PTBP2: variants seen among roughly 807,000 people sequenced by gnomAD.
PTBP2 encodes the protein polypyrimidine tract-binding protein 2.
A neutral mutation model predicts 61.4 loss-of-function variants in PTBP2; 13 were observed. That is an observed-to-expected ratio of 0.21 (90% CI 0.14 to 0.34). The LOEUF is 0.34. Among genes scored for constraint, PTBP2 ranks in the 10% least tolerant of loss-of-function variants. The pLI is 1.00. For missense variants in PTBP2, 405 were observed against 642.6 expected (o/e 0.63, Z 4.00); for synonymous variants, 215 against 218.5 (o/e 0.98, Z 0.14).
At chr1:96,758,465 A>G (rs1201687215) in intron 3 of PTBP2, among the ~76,000 whole-genome samples, 1 of 152,088 alleles carries the variant, frequency 6.6e-6, no homozygotes, top group Non-Finnish European at 1.5e-5. Flanking sequence ...TCAGACTAGT[A>G]TTTCTCATTA....
intron 8 of PTBP2, among the ~76,000 whole-genome samples, chr1:96,789,077 T>A (rs926277009): frequency 5.3e-5 from 8 of 152,052 alleles, no homozygotes; most frequent in African/African-American, 1.9e-4. Context: ...TGTAGTTAAT[T>A]TATTAAGGGG....
chr1:96,792,739 C>T (rs936870524), intron 8 of PTBP2, among the ~76,000 whole-genome samples: 2 of 151,890 alleles, frequency 1.3e-5, no homozygotes, highest in Non-Finnish European at 2.9e-5. Flanking sequence ...ATGTAACATG[C>T]AAATAATAAA....
intron 5 of PTBP2, 84 bp downstream of exon 5, chr1:96,770,935 T>G (rs2101014163): frequency 8.5e-7 from 1 of 1,173,942 alleles, no homozygotes; most frequent in East Asian, 2.4e-5. Flanking sequence ...AATGTTTACC[T>G]GTTCAGATGT....
intron 3 of PTBP2, among the ~76,000 whole-genome samples, chr1:96,762,988 G>T (rs977728719): frequency 2.0e-5 from 3 of 151,368 alleles, no homozygotes; most frequent in Non-Finnish European, 4.4e-5. Context: ...ATGGGCGGCC[G>T]GGCAGAGACG....
intron 8 of PTBP2, among the ~76,000 whole-genome samples, chr1:96,786,137 A>T (rs1659177736): frequency 6.6e-6 from 1 of 152,180 alleles, no homozygotes. Context: ...TCATTTCAAA[A>T]GAAAAAATAG....
At chr1:96,809,198 T>C (rs1213482026) in intron 11 of PTBP2, among the ~76,000 whole-genome samples, 1 of 152,176 alleles carries the variant, frequency 6.6e-6, no homozygotes, top group Non-Finnish European at 1.5e-5. Context: ...TTCAATTCAC[T>C]TTTCTGAATT....
intron 5 of PTBP2, among the ~76,000 whole-genome samples, chr1:96,776,434 A>C (rs1267349568): frequency 6.6e-6 from 1 of 151,976 alleles, no homozygotes; most frequent in African/African-American, 2.4e-5. Context: ...TTATAGATAA[A>C]ATTAAGTAGC....
chr1:96,743,214 G>C (rs1653287157), intron 2 of PTBP2, among the ~76,000 whole-genome samples: 2 of 151,798 alleles, frequency 1.3e-5, no homozygotes, highest in Admixed American at 1.3e-4. Context: ...GTGAACCCGG[G>C]AGGCGGAGCT....
intron 3 of PTBP2, among the ~76,000 whole-genome samples, chr1:96,766,025 C>G (rs770163109): frequency 1.3e-5 from 2 of 152,064 alleles, no homozygotes; most frequent in Non-Finnish European, 2.9e-5. Flanking sequence ...TGCCGACACC[C>G]ATTTATGTAA....
intron 7 of PTBP2, among the ~76,000 whole-genome samples, chr1:96,783,354 C>T (rs1658900659): frequency 6.6e-6 from 1 of 151,974 alleles, no homozygotes; most frequent in African/African-American, 2.4e-5. Context: ...GCATCTTCCA[C>T]CTACATAAAG....
chr1:96,808,207 A>G (rs1661686425), intron 11 of PTBP2, among the ~76,000 whole-genome samples: 2 of 151,972 alleles, frequency 1.3e-5, no homozygotes, highest in African/African-American at 4.8e-5. Flanking sequence ...ATTTTTTGCC[A>G]TGCTCGTAGT....
chr1:96,776,721 G>A (rs1057234969), intron 5 of PTBP2, among the ~76,000 whole-genome samples: 17 of 151,556 alleles, frequency 1.1e-4, no homozygotes, highest in African/African-American at 4.1e-4. Flanking sequence ...ATCATAGACT[G>A]TCATCATAAT....
At chr1:96,803,555 G>A (rs1661229678) in intron 8 of PTBP2, among the ~76,000 whole-genome samples, 1 of 151,672 alleles carries the variant, frequency 6.6e-6, no homozygotes, top group South Asian at 2.1e-4. Flanking sequence ...AAAAAGAGAT[G>A]GAGGGGAAAG....
At chr1:96,745,440 G>T (rs1483829535) in intron 2 of PTBP2, among the ~76,000 whole-genome samples, 1 of 152,140 alleles carries the variant, frequency 6.6e-6, no homozygotes, top group Non-Finnish European at 1.5e-5. Flanking sequence ...GGGATTATAG[G>T]TGTGAGCTAC....
chr1:96,788,619 T>A (rs964435522), intron 8 of PTBP2, among the ~76,000 whole-genome samples: 2 of 152,042 alleles, frequency 1.3e-5, no homozygotes, highest in Middle Eastern at 3.2e-3. Flanking sequence ...ATGAAATAAT[T>A]GATAGAGTAT....
intron 3 of PTBP2, among the ~76,000 whole-genome samples, chr1:96,768,469 A>T (rs569265736): frequency 1.3e-5 from 2 of 152,166 alleles, no homozygotes; most frequent in Non-Finnish European, 2.9e-5. Flanking sequence ...GTTTTATACA[A>T]AATGGAGTAT....
chr1:96,792,718 A>AAT (rs201186885), intron 8 of PTBP2, among the ~76,000 whole-genome samples: 2 of 100,332 alleles, frequency 2.0e-5, no homozygotes, highest in African/African-American at 8.8e-5. Flanking sequence ...TTGGGTACAA[A>AAT]ACGGGTAGAT....
chr1:96,772,570 T>A (rs1437913204), intron 5 of PTBP2, among the ~76,000 whole-genome samples: 1 of 152,110 alleles, frequency 6.6e-6, no homozygotes, highest in East Asian at 1.9e-4. Context: ...CCCTTCCCTG[T>A]TCACTCCTCC....
At position 96,736,329 on chromosome 1, in the gene PTBP2, A is replaced by G. The variant is rs369778501; in HGVS notation, c.39+12735A>G. ...GTGAGTAAATCTAATTACTGACCAT[A>G]TAAGAATGTAATAGCAGTGATTGAT... On this transcript the variant is annotated intron_variant, in intron 2 of 13. Transcript: ENST00000674951. 2.6e-5 allele frequency among the ~76,000 whole-genome samples: 4 copies of G among 152,318 alleles called. No homozygotes were observed. The South Asian group carries it at 6.2e-4, about 24-fold the overall frequency.
Sources: allele counts gnomAD v4.1 joint callset (sites outside exome capture counted in the v4.1 genomes callset), GRCh38; gene constraint gnomAD v4.1.1; transcripts MANE v1.5; gene names NCBI Gene and HGNC (gene_info 2026-07-23, HGNC 2026-07-21).